DMD: variants seen among roughly 807,000 people sequenced by gnomAD.
The protein encoded by DMD is dystrophin.
In DMD, 63 loss-of-function variants were observed where a neutral mutation model predicts 330.1. That is an observed-to-expected ratio of 0.19 (90% CI 0.16 to 0.24). The LOEUF (loss-of-function observed/expected upper bound fraction) is 0.24, where lower values mean the gene tolerates loss of function less well. Ranked by LOEUF, DMD falls within the 10% of genes least tolerant of loss-of-function variation. The pLI is 1.00. For missense variants in DMD, 3,344 were observed against 2,684.1 expected (o/e 1.25, Z -5.43); for synonymous variants, 1,223 against 959.8 (o/e 1.27, Z -5.07).
chrX:32,596,916 C>T (rs775927799), intron 12 of DMD, among the ~76,000 whole-genome samples: 1 of 110,912 alleles, frequency 9.0e-6, no homozygotes, highest in Non-Finnish European at 1.9e-5. Flanking sequence ...GATGTCAGTC[C>T]GATTTATAAA....
At chrX:32,311,278 A>C (rs976242336) in intron 41 of DMD, among the ~76,000 whole-genome samples, 18 of 111,119 alleles carry the variant, frequency 1.6e-4, no homozygotes, top group African/African-American at 5.6e-4. Context: ...AACGATAAGC[A>C]TGCTAACGTA....
chrX:33,063,211 T>C (rs757854942), intron 1 of DMD, among the ~76,000 whole-genome samples: 2 of 111,907 alleles, frequency 1.8e-5, no homozygotes, highest in South Asian at 7.4e-4. Flanking sequence ...AATCAAATTA[T>C]AATAAAACTA....
Position 32,280,180 on chromosome X carries a change from TATATATAC to T in DMD, c.6290+7341_6290+7348del, listed in dbSNP as rs1436115561. On this transcript the variant is annotated intron_variant, in intron 43 of 78. Transcript: ENST00000357033. Reference sequence around the variant, plus strand: ...TATATATACAGTATATATATATATATATATATACACACTATGTACCCACAAACGTTAAA... The same window carrying T: ...TATATATACAGTATATATATATATATACACTATGTACCCACAAACGTTAAA... 2.4e-3 allele frequency among the ~76,000 whole-genome samples: 57 copies of T among 24,076 alleles called. 1 individual carries two copies. The highest frequency in any genetic ancestry group is 0.012 in the South Asian group (8 of 656). The allele number at this position is 24,076 out of a possible 115,157, so 20.9% of individuals were successfully genotyped here. A position where few individuals can be genotyped will look rare whatever the true frequency, so the allele number is the denominator to read the frequency against.
chrX:31,593,781 T>C (rs918611813), intron 55 of DMD, among the ~76,000 whole-genome samples: 11 of 110,571 alleles, frequency 9.9e-5, no homozygotes, highest in African/African-American at 3.3e-4. Flanking sequence ...AAAATCATTG[T>C]TAAAGTGAAA....
chrX:32,927,242 T>C (rs979531538), intron 2 of DMD, among the ~76,000 whole-genome samples: 2 of 111,448 alleles, frequency 1.8e-5, no homozygotes, highest in Admixed American at 9.6e-5. Context: ...TTTGACAGAG[T>C]ACTTATTTAC....
intron 1 of DMD, among the ~76,000 whole-genome samples, chrX:33,306,266 G>A (rs1291038018): frequency 8.9e-6 from 1 of 111,921 alleles, no homozygotes; most frequent in Non-Finnish European, 1.9e-5. Flanking sequence ...CTTGCTTTAT[G>A]TTACATGTGC....
intron 7 of DMD, among the ~76,000 whole-genome samples, chrX:32,700,964 T>A (rs1444257220): frequency 2.7e-5 from 3 of 112,217 alleles, no homozygotes; most frequent in African/African-American, 9.7e-5. Flanking sequence ...TCAGAACAGC[T>A]ATTTTTAAAG....
At chrX:32,649,573 AAAAAAAAAAAG>A (rs1393275158) in intron 9 of DMD, among the ~76,000 whole-genome samples, 1 of 106,449 alleles carries the variant, frequency 9.4e-6, no homozygotes, top group African/African-American at 3.5e-5. Context: ...AAAAAAAAAA[AAAAAAAAAAAG>A]GTGAAAGAGC....
chrX:33,134,832 C>T (rs1371062254), intron 1 of DMD, among the ~76,000 whole-genome samples: 1 of 111,746 alleles, frequency 8.9e-6, no homozygotes, highest in Non-Finnish European at 1.9e-5. Context: ...GACTGTAAAC[C>T]AACAGAACGA....
chrX:31,982,929 A>T (rs1365088706), intron 44 of DMD, among the ~76,000 whole-genome samples: 6 of 85,084 alleles, frequency 7.1e-5, no homozygotes, highest in African/African-American at 2.2e-4. Flanking sequence ...TTCTCAAGTA[A>T]CATTATTCAG....
intron 45 of DMD, among the ~76,000 whole-genome samples, chrX:31,944,730 G>A (rs1322727869): frequency 2.0e-5 from 2 of 102,070 alleles, no homozygotes; most frequent in African/African-American, 7.3e-5. Flanking sequence ...GGATGGTCTC[G>A]ATCTCTTGAC....
chrX:32,267,221 C>T (rs1603629614), intron 43 of DMD, among the ~76,000 whole-genome samples: 1 of 112,471 alleles, frequency 8.9e-6, no homozygotes, highest in Admixed American at 9.4e-5. Context: ...CCTTAAACTA[C>T]ATCCAGCCTT....
intron 44 of DMD, among the ~76,000 whole-genome samples, chrX:31,973,658 T>C (rs1016404493): frequency 9.0e-6 from 1 of 111,319 alleles, no homozygotes; most frequent in Non-Finnish European, 1.9e-5. Flanking sequence ...TGTTAAGTTG[T>C]ATAGGACAAA....
At chrX:32,335,943 G>A (rs951979099) in intron 41 of DMD, among the ~76,000 whole-genome samples, 10 of 104,418 alleles carry the variant, frequency 9.6e-5, no homozygotes, top group Admixed American at 2.1e-4. Flanking sequence ...ACGTGTATAC[G>A]TGTATGTTAT....
At chrX:31,409,281 G>C (rs2061538303) in intron 60 of DMD, among the ~76,000 whole-genome samples, 1 of 112,217 alleles carries the variant, frequency 8.9e-6, no homozygotes, top group Non-Finnish European at 1.9e-5. Flanking sequence ...AAAATGCTGG[G>C]TGACCCCATC....
intron 1 of DMD, among the ~76,000 whole-genome samples, chrX:33,064,616 C>T (rs1271723304): frequency 8.9e-6 from 1 of 111,873 alleles, no homozygotes; most frequent in African/African-American, 3.2e-5. Context: ...TGGCCAGACG[C>T]GGTGGCTCAT....
chrX:32,681,411 G>A (rs187878325), intron 9 of DMD, among the ~76,000 whole-genome samples: 146 of 111,628 alleles, frequency 1.3e-3, no homozygotes, highest in African/African-American at 4.5e-3. Context: ...ATACAAGGTA[G>A]CATATCCCAC....
chrX:32,067,398 G>T (rs1351329517), intron 44 of DMD, among the ~76,000 whole-genome samples: 1 of 109,955 alleles, frequency 9.1e-6, no homozygotes, highest in East Asian at 2.9e-4. Context: ...GTTCAGGTTT[G>T]TTACCTGGAT....
At chrX:31,659,363 G>A (rs768874181) in intron 53 of DMD, among the ~76,000 whole-genome samples, 54 of 110,889 alleles carry the variant, frequency 4.9e-4, no homozygotes, top group African/African-American at 1.4e-3. Context: ...GAAACAGGCC[G>A]GGTGCGGTGG....
Sources: allele counts gnomAD v4.1 joint callset (sites outside exome capture counted in the v4.1 genomes callset), GRCh38; gene constraint gnomAD v4.1.1; transcripts MANE v1.5; gene names NCBI Gene and HGNC (gene_info 2026-07-23, HGNC 2026-07-21).